Variants in OPCML observed in about 807,000 individuals in gnomAD.
The protein encoded by OPCML is opioid binding protein/cell adhesion molecule like.
In OPCML, 13 loss-of-function variants were observed where a neutral mutation model predicts 37.8. That is an observed-to-expected ratio of 0.34 (90% CI 0.22 to 0.55). The LOEUF is 0.55. Among genes scored for constraint, OPCML ranks in the 20% least tolerant of loss-of-function variants. The probability of loss-of-function intolerance (pLI) is 0.91; values close to 1 mark genes in which losing one functional copy is unlikely to be tolerated. For missense variants in OPCML, 341 were observed against 435.6 expected (o/e 0.78, Z 1.93); for synonymous variants, 176 against 168.8 (o/e 1.04, Z -0.33).
chr11:133,207,899 A>G (rs1035487784), intron 1 of OPCML, among the ~76,000 whole-genome samples: 7 of 133,830 alleles, frequency 5.2e-5, no homozygotes, highest in African/African-American at 1.7e-4. Context: ...TGGACCCTGT[A>G]ACACGCTCTG....
At chr11:133,403,997 G>A (rs1420221258) in intron 1 of OPCML, among the ~76,000 whole-genome samples, 1 of 152,192 alleles carries the variant, frequency 6.6e-6, no homozygotes, top group Non-Finnish European at 1.5e-5. Flanking sequence ...TTCTCTCACA[G>A]TTCTGGAGGC....
intron 1 of OPCML, among the ~76,000 whole-genome samples, chr11:133,516,253 C>T (rs933314368): frequency 1.3e-5 from 2 of 152,156 alleles, no homozygotes; most frequent in South Asian, 2.1e-4. Flanking sequence ...TCAGAGGAGA[C>T]GCATCTCCCA....
At position 133,234,392 on chromosome 11, in the gene OPCML, A is replaced by G. The variant is rs147438105; in HGVS notation, c.62-291382T>C. ...CTCTCTAGGCAGGACCACAGCAGTC[A>G]GTACAAACTTGGCCTTTTTAAACCT... On this transcript the variant is annotated intron_variant, in intron 1 of 7. Transcript: ENST00000524381. Among the ~76,000 whole-genome samples, 667 of 152,338 alleles carry G rather than the reference A, an allele frequency of 4.4e-3. 9 individuals are homozygous for G. The highest frequency in any genetic ancestry group is 0.015 in the African/African-American group (644 of 41,588).
At chr11:132,770,456 C>A (rs933278401) in intron 2 of OPCML, among the ~76,000 whole-genome samples, 2 of 152,080 alleles carry the variant, frequency 1.3e-5, no homozygotes, top group East Asian at 3.9e-4. Context: ...GAAATAGATA[C>A]TGAGGTACAT....
rs2095950824 is a variant in OPCML at position 132,419,718 on chromosome 11, T to C, written c.*475A>G. ...AATAATTAACATGGATGGGGGCATA[T>C]GTACATTGTCATTAAGAAAATAATC... On this transcript the variant is annotated 3_prime_UTR_variant, in exon 8 of 8. Transcript: ENST00000524381. The C allele has an allele frequency of 6.4e-6, 1 of 155,894 alleles. No homozygotes were observed. Among genetic ancestry groups the C allele is most frequent in the South Asian group, 2.0e-4 (1 of 5,064 alleles). 9.7% of individuals were successfully genotyped at this position (155,894 alleles called of 1,614,324 possible).
At chr11:133,376,616 T>C (rs1247981646) in intron 1 of OPCML, among the ~76,000 whole-genome samples, 1 of 152,232 alleles carries the variant, frequency 6.6e-6, no homozygotes, top group Non-Finnish European at 1.5e-5. Context: ...GCTTTTTAAA[T>C]ATATGAACAG....
At chr11:132,778,869 C>CA (rs1203211547) in intron 2 of OPCML, among the ~76,000 whole-genome samples, 1 of 146,028 alleles carries the variant, frequency 6.8e-6, no homozygotes, top group Non-Finnish European at 1.5e-5. Flanking sequence ...TAACTTTTGA[C>CA]AAAAAATATA....
intron 4 of OPCML, among the ~76,000 whole-genome samples, chr11:132,487,746 G>A (rs1250475211): frequency 6.6e-6 from 1 of 152,164 alleles, no homozygotes; most frequent in Non-Finnish European, 1.5e-5. Flanking sequence ...CAGCAAGCTT[G>A]TAGCTGAGGA....
At chr11:132,844,525 T>C (rs1369536866) in intron 2 of OPCML, among the ~76,000 whole-genome samples, 1 of 152,124 alleles carries the variant, frequency 6.6e-6, no homozygotes, top group Non-Finnish European at 1.5e-5. Flanking sequence ...TACAAAAATA[T>C]ATTGTAGGTC....
intron 1 of OPCML, among the ~76,000 whole-genome samples, chr11:133,498,876 A>C (rs1947844444): frequency 6.6e-6 from 1 of 152,200 alleles, no homozygotes; most frequent in Admixed American, 6.5e-5. Context: ...GAGTTATGGA[A>C]CCCAACAGGC....
chr11:133,472,910 AGCCCTCCAGTGATCCAGC>A (rs1947149505), intron 1 of OPCML, among the ~76,000 whole-genome samples: 2 of 152,048 alleles, frequency 1.3e-5, no homozygotes, highest in South Asian at 4.1e-4. Flanking sequence ...GTCCTGTCCC[AGCCCTCCAGTGATCCAGC>A]GCCCAACCCC....
At chr11:132,631,304 T>A (rs906108634) in intron 3 of OPCML, among the ~76,000 whole-genome samples, 3 of 148,808 alleles carry the variant, frequency 2.0e-5, no homozygotes, top group African/African-American at 7.4e-5. Context: ...TTTATCTCAG[T>A]AAAATAATAA....
At chr11:132,423,538 T>A (rs1470306535) in intron 7 of OPCML, among the ~76,000 whole-genome samples, 1 of 152,204 alleles carries the variant, frequency 6.6e-6, no homozygotes, top group East Asian at 1.9e-4. Flanking sequence ...TTGAAGAGTG[T>A]GAGACAAAAG....
intron 1 of OPCML, among the ~76,000 whole-genome samples, chr11:133,153,376 C>T (rs748371552): frequency 1.3e-5 from 2 of 152,282 alleles, no homozygotes; most frequent in Non-Finnish European, 2.9e-5. Flanking sequence ...AGGCGAGAAC[C>T]CAGCTGCTCA....
intron 1 of OPCML, among the ~76,000 whole-genome samples, chr11:133,286,219 G>C (rs1242173136): frequency 1.3e-5 from 2 of 152,054 alleles, no homozygotes; most frequent in Non-Finnish European, 2.9e-5. Context: ...GGGAGGCCGA[G>C]GTGGGCGGAT....
chr11:133,519,907 T>C (rs1948364110), intron 1 of OPCML, among the ~76,000 whole-genome samples: 1 of 152,210 alleles, frequency 6.6e-6, no homozygotes, highest in East Asian at 1.9e-4. Context: ...TTCTGCTGCA[T>C]GTGAGACAGA....
At chr11:133,347,246 T>C (rs1245880594) in intron 1 of OPCML, among the ~76,000 whole-genome samples, 3 of 152,200 alleles carry the variant, frequency 2.0e-5, no homozygotes, top group Non-Finnish European at 4.4e-5. Flanking sequence ...GCTACACCTC[T>C]CCAAGGTGTC....
intron 1 of OPCML, among the ~76,000 whole-genome samples, chr11:133,517,578 C>G (rs1948307470): frequency 6.6e-6 from 1 of 152,192 alleles, no homozygotes. Flanking sequence ...AGACAGAAAC[C>G]CAGGCATCAG....
At chr11:133,145,681 G>C (rs559029116) in intron 1 of OPCML, among the ~76,000 whole-genome samples, 1 of 152,356 alleles carries the variant, frequency 6.6e-6, no homozygotes, top group African/African-American at 2.4e-5. Context: ...GGATAAGAAA[G>C]AGCGTGGAGG....
Sources: gnomAD v4.1 joint callset for allele counts (sites outside exome capture counted in the v4.1 genomes callset) on GRCh38, gnomAD v4.1.1 for gene constraint, MANE v1.5 for transcripts, NCBI Gene and HGNC (gene_info 2026-07-23, HGNC 2026-07-21) for gene names.